The following SMAD4 variants were observed in gnomAD, a reference collection of about 807,000 sequenced individuals.
The protein encoded by SMAD4 is MAD homolog 4.
In SMAD4, 7 loss-of-function variants were observed where a neutral mutation model predicts 63.2. The ratio of observed to expected loss-of-function variants is 0.11; its 90% confidence interval spans 0.06 to 0.21. The LOEUF is 0.21. Among genes scored for constraint, SMAD4 ranks in the 10% least tolerant of loss-of-function variants. The probability of loss-of-function intolerance (pLI) is 1.00; values close to 1 mark genes in which losing one functional copy is unlikely to be tolerated. For synonymous variants in SMAD4, 215 were observed against 235.4 expected, an observed-to-expected ratio of 0.91 and a Z score of 0.79; for missense variants, 312 against 693.8, an observed-to-expected ratio of 0.45 and a Z score of 6.18.
At chr18:51,056,149 A>T (rs1168533920) in intron 5 of SMAD4, among the ~76,000 whole-genome samples, 1 of 152,202 alleles carries the variant, frequency 6.6e-6, no homozygotes, top group Non-Finnish European at 1.5e-5. Flanking sequence ...TTATTTACCA[A>T]ATTAGGAATA....
chr18:51,041,698 A>C (rs533220163), intron 1 of SMAD4, among the ~76,000 whole-genome samples: 22 of 152,330 alleles, frequency 1.4e-4, no homozygotes, highest in African/African-American at 5.1e-4. Flanking sequence ...GAGCTGTCCT[A>C]TCCCTTCTCC....
rs542506722 is a variant in SMAD4 at position 51,044,764 on chromosome 18, A to C, written c.-127-2156A>C. On this transcript the variant is annotated intron_variant, in intron 1 of 11. Transcript: ENST00000342988. ...CTATGTATCAGACACGTTATGCAGA[A>C]TTTTTCCTTTGAGCTTCTGTATACC... 2.0e-5 allele frequency among the ~76,000 whole-genome samples: 3 copies of C among 152,260 alleles called. No homozygotes were observed. In the South Asian group the frequency reaches 6.2e-4, roughly 32 times the overall value.
chr18:51,058,651 G>A (rs1191672969), intron 7 of SMAD4, among the ~76,000 whole-genome samples, 195 bp downstream of exon 7: 1 of 152,050 alleles, frequency 6.6e-6, no homozygotes, highest in Non-Finnish European at 1.5e-5. Flanking sequence ...GAGGAGTGAT[G>A]TTTGCTAAAT....
intron 8 of SMAD4, among the ~76,000 whole-genome samples, chr18:51,063,624 G>T (rs1910076439): frequency 6.6e-6 from 1 of 151,918 alleles, no homozygotes; most frequent in African/African-American, 2.4e-5. Flanking sequence ...TGTTGCCCAG[G>T]CTGGCCTTGA....
At chr18:51,050,816 A>G (rs1444215352) in intron 4 of SMAD4, among the ~76,000 whole-genome samples, 1 of 151,924 alleles carries the variant, frequency 6.6e-6, no homozygotes, top group African/African-American at 2.4e-5. Flanking sequence ...AGAGTATGCA[A>G]TTCTACTTGT....
At chr18:51,067,697 A>G (rs920432351) in intron 10 of SMAD4, among the ~76,000 whole-genome samples, 2 of 152,226 alleles carry the variant, frequency 1.3e-5, no homozygotes, top group Non-Finnish European at 2.9e-5. Flanking sequence ...ACAGGTGTGA[A>G]CCACTGTGCC....
At chr18:51,059,977 A>C in intron 8 of SMAD4, 61 bp downstream of exon 8, 1 of 1,232,858 alleles carries the variant, frequency 8.1e-7, no homozygotes. Flanking sequence ...ATTGAAACGC[A>C]CAAACACAGG....
In SMAD4 at chr18:51,046,978, G is replaced by A. The variant is rs772186355; in HGVS notation, c.-69G>A. The A allele has an allele frequency of 1.6e-5, 23 of 1,468,146 alleles. No homozygotes were observed. The highest frequency in any genetic ancestry group is 2.0e-5 in the Non-Finnish European group (21 of 1,051,394). 90.9% of individuals were successfully genotyped at this position (1,468,146 alleles called of 1,614,324 possible). Reference sequence around the variant, plus strand: ...GCAACGTTAGCTGTTGTTTTTCACTGTTTCCAAAGGATCAAAATTGCTTCA... The same window carrying A: ...GCAACGTTAGCTGTTGTTTTTCACTATTTCCAAAGGATCAAAATTGCTTCA... On this transcript the variant is annotated 5_prime_UTR_variant, in exon 2 of 12. Transcript: ENST00000342988.
rs1027267470 is a variant in SMAD4, at chr18:51,084,109, C to A, written c.*5642C>A. ...TTTGAATTGCGTGCACACACACACG[C>A]ACGCACACACTCTGGTCAGAGTTTA... On this transcript the variant is annotated 3_prime_UTR_variant, in exon 12 of 12. Coordinates refer to ENST00000342988, the MANE Select transcript of SMAD4 (RefSeq NM_005359.6). 2 of 232,222 alleles carry A rather than the reference C, an allele frequency of 8.6e-6. No individual in the cohort carries two copies. The highest frequency in any genetic ancestry group is 2.2e-5 in the African/African-American group (1 of 45,176). The allele number at this position is 232,222 out of a possible 1,614,324, so 14.4% of individuals were successfully genotyped here.
At chr18:51,046,694 T>C (rs1909553232) in intron 1 of SMAD4, among the ~76,000 whole-genome samples, 2 of 152,096 alleles carry the variant, frequency 1.3e-5, no homozygotes, top group Non-Finnish European at 2.9e-5. Context: ...ATTTTTGGAA[T>C]GTCAAAAACA....
In SMAD4 at chr18:51,078,257, T is replaced by C. The variant is rs745598003; in HGVS notation, c.1449T>C (p.Ser483=). Residue 483 remains serine, a splice_region_variant and synonymous_variant, in exon 12 of 12, where the codon AGT becomes AGC. Coordinates refer to ENST00000342988, the MANE Select transcript of SMAD4 (RefSeq NM_005359.6). ...TGTCTTCCAAATCTTTTCTGTTAGG[T>C]CTGTCAGCTGCTGCTGGAATTGGTG... ...GSVGGIAPAI[S]LSAAAGIGVD... 6.2e-7 allele frequency: 1 copy of C among 1,613,778 alleles called. No individual in the cohort carries two copies. Among genetic ancestry groups the C allele is most frequent in the Admixed American group, 1.7e-5 (1 of 59,992 alleles).
intron 4 of SMAD4, chr18:51,054,452 T>A: frequency 3.3e-6 from 1 of 300,198 alleles, no homozygotes; most frequent in Non-Finnish European, 6.4e-6. Context: ...GCCTGCCTTA[T>A]GTATTTAGGT....
intron 10 of SMAD4, 110 bp from the exon 11 acceptor site, chr18:51,076,528 T>G: frequency 1.1e-6 from 1 of 893,784 alleles, no homozygotes; most frequent in South Asian, 1.5e-5. Flanking sequence ...ATTAATTCTT[T>G]TCATGTGAGA....
chr18:51,033,165 C>G (rs560547733), intron 1 of SMAD4, among the ~76,000 whole-genome samples: 1 of 149,414 alleles, frequency 6.7e-6, no homozygotes, highest in African/African-American at 2.5e-5. Flanking sequence ...AGTTAAAGGA[C>G]TTACACCAGC....
chr18:51,079,317 G>T lies in SMAD4; in HGVS notation c.*850G>T, dbSNP rs886053898. On this transcript the variant is annotated 3_prime_UTR_variant, in exon 12 of 12. Transcript: ENST00000342988. Reference sequence around the variant, plus strand: ...TCCTTCATTCATAGGGAAAGGTTTTGTATTTTTTAAAACACTAAAAGCAGC... The same window carrying T: ...TCCTTCATTCATAGGGAAAGGTTTTTTATTTTTTAAAACACTAAAAGCAGC... 4.3e-6 allele frequency: 1 copy of T among 233,162 alleles called. No individual in the cohort carries two copies. The highest frequency in any genetic ancestry group is 2.2e-5 in the African/African-American group (1 of 45,286). The allele number at this position is 233,162 out of a possible 1,614,324, so 14.4% of individuals were successfully genotyped here.
In SMAD4 at chr18:51,083,499, C is replaced by T. The variant is rs1205381639; in HGVS notation, c.*5032C>T. 2.6e-5 allele frequency: 6 copies of T among 226,952 alleles called. No homozygotes were observed. Among genetic ancestry groups the T allele is most frequent in the African/African-American group, 1.3e-4 (6 of 44,626 alleles). The allele number at this position is 226,952 out of a possible 1,614,324, so 14.1% of individuals were successfully genotyped here. A position where few individuals can be genotyped will look rare whatever the true frequency, so the allele number is the denominator to read the frequency against. Reference sequence around the variant, plus strand: ...TAATGTAGTAAGGACTAAGGAAAACCTTTGGTGAAGACAATCATTTCTCTC... The same window carrying T: ...TAATGTAGTAAGGACTAAGGAAAACTTTTGGTGAAGACAATCATTTCTCTC... On this transcript the variant is annotated 3_prime_UTR_variant, in exon 12 of 12. Transcript: ENST00000342988.
Position 51,034,933 on chromosome 18 carries a change from A to G in SMAD4, c.-128+4310A>G, listed in dbSNP as rs987789824. Among the ~76,000 whole-genome samples, 8 of 152,322 alleles carry G rather than the reference A, an allele frequency of 5.3e-5. No individual in the cohort carries two copies. In the East Asian group the frequency reaches 1.2e-3, roughly 22 times the overall value. ...CTGAATTCTAGCCCCAGAAATTATG[A>G]TTTGGTTGGTCTAGGGTGCAGCCAG... On this transcript the variant is annotated intron_variant, in intron 1 of 11. Coordinates refer to ENST00000342988, the MANE Select transcript of SMAD4 (RefSeq NM_005359.6).
chr18:51,040,737 A>G (rs1187969049), intron 1 of SMAD4, among the ~76,000 whole-genome samples: 1 of 152,220 alleles, frequency 6.6e-6, no homozygotes, highest in East Asian at 1.9e-4. Context: ...ACAGCTTACA[A>G]TTAATAGCAA....
rs1276233071 is a variant in SMAD4, at chr18:51,079,708, CTG to C, written c.*1243_*1244del. The C allele has an allele frequency of 8.6e-6, 2 of 233,296 alleles. No homozygotes were observed. The highest frequency in any genetic ancestry group is 1.2e-4 in the East Asian group (2 of 16,494). The allele number at this position is 233,296 out of a possible 1,614,324, so 14.5% of individuals were successfully genotyped here. ...AGTAGAAAAGTTGCAGATGTATTGA[CTG>C]TACCACAGACACAATATGTATGCTT... On this transcript the variant is annotated 3_prime_UTR_variant, in exon 12 of 12. Transcript: ENST00000342988.
Sources: allele counts gnomAD v4.1 joint callset (sites outside exome capture counted in the v4.1 genomes callset), GRCh38; gene constraint gnomAD v4.1.1; transcripts MANE v1.5; gene names NCBI Gene and HGNC (gene_info 2026-07-23, HGNC 2026-07-21).